Variants in FER observed in about 807,000 individuals in gnomAD.
The protein encoded by FER is tyrosine-protein kinase Fer.
FER carries 63 observed loss-of-function variants against 111.0 expected under a neutral mutation model. The ratio of observed to expected loss-of-function variants is 0.57; its 90% confidence interval spans 0.46 to 0.70. FER has a LOEUF of 0.70. FER is among the 30% of genes least tolerant of loss of function. FER has a pLI of 0.00. For synonymous variants in FER, 327 were observed against 313.9 expected (o/e 1.04, Z -0.44); for missense variants, 914 against 954.0 (o/e 0.96, Z 0.55).
chr5:109,120,449 A>G lies in FER; in HGVS notation c.2048+19930A>G, dbSNP rs79423142. On this transcript the variant is annotated intron_variant, in intron 17 of 19. Transcript: ENST00000281092. ...TTCTATGTTCTCTATTTTGTTAACAATGGTCTTTGTGTCTATTTTTATTGC... is the reference window on the plus strand; with the variant it reads ...TTCTATGTTCTCTATTTTGTTAACAGTGGTCTTTGTGTCTATTTTTATTGC... 6.9e-3 allele frequency among the ~76,000 whole-genome samples: 1,043 copies of G among 151,992 alleles called. 12 individuals are homozygous for G. The highest frequency in any genetic ancestry group is 0.024 in the African/African-American group (1,000 of 41,514).
intron 17 of FER, among the ~76,000 whole-genome samples, chr5:109,135,311 A>G (rs1459325485): frequency 6.6e-6 from 1 of 152,200 alleles, no homozygotes; most frequent in African/African-American, 2.4e-5. Context: ...TTATTCTTCC[A>G]TTTTTACAGA....
chr5:108,770,018 G>A (rs534801473), intron 2 of FER, among the ~76,000 whole-genome samples: 109 of 152,096 alleles, frequency 7.2e-4, no homozygotes, highest in African/African-American at 2.5e-3. Flanking sequence ...GCACAATCTC[G>A]ATTCACCACA....
intron 1 of FER, among the ~76,000 whole-genome samples, chr5:108,757,531 T>G (rs1040562466): frequency 2.6e-5 from 4 of 152,168 alleles, no homozygotes; most frequent in Admixed American, 6.6e-5. Flanking sequence ...TTGACGCACA[T>G]CAATCCTCCA....
intron 10 of FER, among the ~76,000 whole-genome samples, chr5:108,907,792 ACT>A (rs1192588736): frequency 6.6e-6 from 1 of 151,980 alleles, no homozygotes; most frequent in Non-Finnish European, 1.5e-5. Flanking sequence ...AGTATTTAAC[ACT>A]CAGTCTTCAG....
rs568570697 is a variant in FER at position 108,981,896 on chromosome 5, C to A, written c.1656+22549C>A. ...TCTAAGAGGAGAGTGCCTGTAATTT[C>A]ATGTTCATAGTAAGAGTTTATTGAA... On this transcript the variant is annotated intron_variant, in intron 13 of 19. Coordinates refer to ENST00000281092, the MANE Select transcript of FER (RefSeq NM_005246.4). Among the ~76,000 whole-genome samples, 4 of 152,192 alleles carry A rather than the reference C, an allele frequency of 2.6e-5. No homozygotes were observed. In the East Asian group the frequency reaches 7.7e-4, roughly 29 times the overall value.
intron 3 of FER, among the ~76,000 whole-genome samples, chr5:108,811,218 G>A (rs1004271694): frequency 6.6e-6 from 1 of 152,160 alleles, no homozygotes; most frequent in Non-Finnish European, 1.5e-5. Context: ...AATGGGAAGG[G>A]TGGGGCAGGT....
At chr5:109,156,912 G>A (rs1161531539) in intron 17 of FER, among the ~76,000 whole-genome samples, 1 of 151,910 alleles carries the variant, frequency 6.6e-6, no homozygotes, top group African/African-American at 2.4e-5. Context: ...CAGAGAATGG[G>A]GTGATATCTG....
Position 109,196,516 on chromosome 5 carries a change from G to C in FER, c.*8941G>C, listed in dbSNP as rs1759755017. On this transcript the variant is annotated 3_prime_UTR_variant, in exon 20 of 20. Coordinates refer to ENST00000281092, the MANE Select transcript of FER (RefSeq NM_005246.4). ...AACAAGGCTTTGGCGGGTTTATCTGGCTTTATAAACAAGTCTGAAAAATGG... is the reference window on the plus strand; with the variant it reads ...AACAAGGCTTTGGCGGGTTTATCTGCCTTTATAAACAAGTCTGAAAAATGG... 1 of 152,108 alleles carries C rather than the reference G, an allele frequency of 6.6e-6. No individual in the cohort carries two copies. Among genetic ancestry groups the C allele is most frequent in the Non-Finnish European group, 1.5e-5 (1 of 68,018 alleles). The allele number at this position is 152,108 out of a possible 1,614,324, so 9.4% of individuals were successfully genotyped here.
intron 10 of FER, among the ~76,000 whole-genome samples, chr5:108,939,576 G>C (rs1755976382): frequency 6.6e-6 from 1 of 152,052 alleles, no homozygotes; most frequent in Non-Finnish European, 1.5e-5. Context: ...CAGTGTGACA[G>C]TTTCTCTCAG....
intron 9 of FER, among the ~76,000 whole-genome samples, chr5:108,884,338 T>C (rs569627084): frequency 6.6e-6 from 1 of 151,998 alleles, no homozygotes; most frequent in Non-Finnish European, 1.5e-5. Flanking sequence ...CTTATCTCCC[T>C]CATCATAGTG....
intron 16 of FER, among the ~76,000 whole-genome samples, chr5:109,049,540 T>TA (rs1772454382): frequency 6.6e-6 from 1 of 152,194 alleles, no homozygotes; most frequent in South Asian, 2.1e-4. Flanking sequence ...AACTTTCTCT[T>TA]ACGTTACTAG....
At chr5:109,031,389 G>A (rs909115956) in intron 13 of FER, among the ~76,000 whole-genome samples, 3 of 152,156 alleles carry the variant, frequency 2.0e-5, no homozygotes, top group African/African-American at 4.8e-5. Flanking sequence ...GGAGAATTAT[G>A]CTTCTAGAAC....
intron 17 of FER, among the ~76,000 whole-genome samples, chr5:109,104,110 A>G (rs1234591158): frequency 6.6e-6 from 1 of 152,144 alleles, no homozygotes; most frequent in Non-Finnish European, 1.5e-5. Flanking sequence ...TCTTTTTCTA[A>G]TTTTCAACTC....
intron 8 of FER, among the ~76,000 whole-genome samples, chr5:108,877,008 G>A (rs1376359317): frequency 6.6e-6 from 1 of 151,916 alleles, no homozygotes; most frequent in African/African-American, 2.4e-5. Context: ...TTGCTTCTTG[G>A]TGGCAAAGTC....
chr5:108,897,896 G>C, intron 10 of FER, 48 bp downstream of exon 10: 6 of 1,432,182 alleles, frequency 4.2e-6, no homozygotes, highest in Non-Finnish European at 5.7e-6. Context: ...GTAGTGTCTA[G>C]GTAATAAGTG....
intron 11 of FER, among the ~76,000 whole-genome samples, chr5:108,951,754 A>G (rs1171537833): frequency 6.6e-6 from 1 of 152,058 alleles, no homozygotes; most frequent in African/African-American, 2.4e-5. Flanking sequence ...TTATTGTGTA[A>G]TTAATTTTAA....
intron 10 of FER, 53 bp from the exon 11 acceptor site, chr5:108,946,077 A>G (rs532350690): frequency 7.4e-6 from 9 of 1,222,958 alleles, no homozygotes; most frequent in South Asian, 2.4e-5. Flanking sequence ...ATAAATGTCT[A>G]TACATATTGG....
intron 13 of FER, among the ~76,000 whole-genome samples, chr5:109,009,008 A>C (rs867222625): frequency 3.1e-4 from 46 of 150,390 alleles, no homozygotes; most frequent in African/African-American, 1.1e-3. Flanking sequence ...CAATAGCCAA[A>C]GCTTTCATTT....
At chr5:108,974,887 A>T (rs1181890020) in intron 13 of FER, among the ~76,000 whole-genome samples, 1 of 152,202 alleles carries the variant, frequency 6.6e-6, no homozygotes, top group Non-Finnish European at 1.5e-5. Flanking sequence ...TTTTAGCCCC[A>T]AGAGACTCAT....
Sources: gnomAD v4.1 joint callset for allele counts (sites outside exome capture counted in the v4.1 genomes callset) on GRCh38, gnomAD v4.1.1 for gene constraint, MANE v1.5 for transcripts, NCBI Gene and HGNC (gene_info 2026-07-23, HGNC 2026-07-21) for gene names.